The following PCDHA1 variants were observed in gnomAD, a reference collection of about 807,000 sequenced individuals.
The protein encoded by PCDHA1 is protocadherin alpha 1.
A neutral mutation model predicts 61.3 loss-of-function variants in PCDHA1; 42 were observed. That is an observed-to-expected ratio of 0.69 (90% CI 0.54 to 0.89). PCDHA1 has a LOEUF of 0.89. PCDHA1 is among the 40% of genes least tolerant of loss of function. PCDHA1 has a pLI of 0.00. For synonymous variants in PCDHA1, 610 were observed against 553.8 expected (o/e 1.10, Z -1.43); for missense variants, 1,256 against 1,235.3 (o/e 1.02, Z -0.25).
At chr5:140,877,414 C>T (rs1554169712) in intron 1 of PCDHA1, 22 of 1,613,930 alleles carry the variant, frequency 1.4e-5, no homozygotes, top group Non-Finnish European at 1.8e-5. Context: ...CCACCGCCTG[C>T]TGGTGCTGGT....
intron 1 of PCDHA1, chr5:140,884,560 G>A: frequency 6.2e-7 from 1 of 1,614,132 alleles, no homozygotes; most frequent in African/African-American, 1.3e-5. Context: ...GGGAGGGCCC[G>A]CATAAGACGG....
At chr5:140,830,026 C>G in intron 1 of PCDHA1, 1 of 1,613,904 alleles carries the variant, frequency 6.2e-7, no homozygotes, top group Non-Finnish European at 8.5e-7. Context: ...CTCCGCGCCA[C>G]CGGCTGCTGG....
At position 140,855,260 on chromosome 5, in the gene PCDHA1, A is replaced by G. The variant is rs146587233; in HGVS notation, c.2394+66576A>G. ...TACTATTGCAAGCACTTACTATATT[A>G]TAATTCACTCAACCACCGTATTACT... is the stretch of plus-strand genomic sequence containing the variant. On this transcript the variant is annotated intron_variant, in intron 1 of 3. Coordinates refer to ENST00000504120, the MANE Select transcript of PCDHA1 (RefSeq NM_018900.4). Among the ~76,000 whole-genome samples, 51 of 149,956 alleles carry G rather than the reference A, an allele frequency of 3.4e-4. No homozygotes were observed. In the East Asian group the frequency reaches 7.5e-3, roughly 22 times the overall value.
chr5:140,990,852 A>T (rs1265916406), intron 3 of PCDHA1, among the ~76,000 whole-genome samples: 2 of 152,198 alleles, frequency 1.3e-5, no homozygotes, highest in Non-Finnish European at 1.5e-5. Context: ...TAGAGCCCTG[A>T]GGACATTGTA....
intron 1 of PCDHA1, chr5:140,849,885 G>C (rs2150456327): frequency 1.3e-6 from 2 of 1,598,614 alleles, no homozygotes; most frequent in Non-Finnish European, 1.7e-6. Flanking sequence ...CACGGTGTTC[G>C]TGAAGGAGAA....
Position 140,838,280 on chromosome 5 carries a change from AT to A in PCDHA1, c.2394+49611del, listed in dbSNP as rs2150286950. On this transcript the variant is annotated intron_variant, in intron 1 of 3. Transcript: ENST00000504120. ...AGACGCCAACAACCAAGCCATGCTAATTTTTTTTTTTTTTTGTATTTTTAGT... is the reference window on the plus strand; with the variant it reads ...AGACGCCAACAACCAAGCCATGCTAATTTTTTTTTTTTTTGTATTTTTAGT... 8.7e-4 allele frequency among the ~76,000 whole-genome samples: 122 copies of A among 139,548 alleles called. 1 individual carries two copies. The highest frequency in any genetic ancestry group is 4.8e-3 in the South Asian group (21 of 4,398). The allele number at this position is 139,548 out of a possible 152,430, so 91.5% of individuals were successfully genotyped here. A position where few individuals can be genotyped will look rare whatever the true frequency, so the allele number is the denominator to read the frequency against.
chr5:140,829,229 G>A (rs1554131821), intron 1 of PCDHA1: 1 of 1,614,122 alleles, frequency 6.2e-7, no homozygotes, highest in East Asian at 2.2e-5. Flanking sequence ...CCTCGATTCA[G>A]GTGCCAACGG....
intron 1 of PCDHA1, among the ~76,000 whole-genome samples, chr5:140,941,445 A>C (rs1472770794): frequency 8.0e-5 from 12 of 149,892 alleles, no homozygotes; most frequent in Middle Eastern, 6.8e-3. Context: ...CCTCGGGAGT[A>C]GCTGGGATTA....
chr5:140,865,377 T>C (rs2048847316), intron 1 of PCDHA1: 1 of 152,154 alleles, frequency 6.6e-6, no homozygotes, highest in South Asian at 2.1e-4. Flanking sequence ...ATGTTATAGG[T>C]AGGGTAAAGT....
chr5:140,867,997 T>C (rs2050231431), intron 1 of PCDHA1: 1 of 152,144 alleles, frequency 6.6e-6, no homozygotes. Flanking sequence ...TTCATGAATA[T>C]AACTGAATTA....
intron 1 of PCDHA1, chr5:140,875,414 C>A: frequency 3.3e-6 from 5 of 1,508,510 alleles, no homozygotes; most frequent in Non-Finnish European, 4.4e-6. Flanking sequence ...CATAAAATAC[C>A]TCAGGCAAGC....
intron 1 of PCDHA1, among the ~76,000 whole-genome samples, chr5:140,971,015 G>C (rs1425390222): frequency 6.6e-6 from 1 of 152,228 alleles, no homozygotes; most frequent in Non-Finnish European, 1.5e-5. Flanking sequence ...GAAGTCTTTA[G>C]ATCGTAGCAT....
intron 1 of PCDHA1, among the ~76,000 whole-genome samples, chr5:140,800,617 A>G (rs572741159): frequency 1.5e-4 from 23 of 152,314 alleles, no homozygotes; most frequent in Admixed American, 6.5e-4. Context: ...TTGAAATCCC[A>G]TCGTACCAAG....
At chr5:140,882,175 G>A in intron 1 of PCDHA1, 1 of 1,515,150 alleles carries the variant, frequency 6.6e-7, no homozygotes. Flanking sequence ...GAATCCTTCC[G>A]CACTAGGAAG....
chr5:140,862,756 G>C (rs1027587772), intron 1 of PCDHA1: 46 of 577,592 alleles, frequency 8.0e-5, no homozygotes, highest in Non-Finnish European at 1.4e-4. Context: ...CGCGGAGAGC[G>C]GCAAGAGGTA....
chr5:140,814,564 T>C (rs1182489958), intron 1 of PCDHA1: 1 of 152,198 alleles, frequency 6.6e-6, no homozygotes, highest in Non-Finnish European at 1.5e-5. Flanking sequence ...GTATCAAGTA[T>C]TATGTACTGT....
chr5:140,996,587 C>T (rs1260417239), intron 3 of PCDHA1, among the ~76,000 whole-genome samples: 4 of 151,994 alleles, frequency 2.6e-5, no homozygotes, highest in South Asian at 2.1e-4. Context: ...TAACAAGGGC[C>T]GCCTCCCCCC....
At chr5:140,863,248 G>T (rs782700291) in intron 1 of PCDHA1, 54 of 1,395,948 alleles carry the variant, frequency 3.9e-5, no homozygotes, top group Middle Eastern at 1.9e-4. Flanking sequence ...TTTGGCGGGC[G>T]TCGAGGTCCG....
intron 1 of PCDHA1, among the ~76,000 whole-genome samples, chr5:140,941,214 C>CTTTCTTT (rs1554214039): frequency 0.058 from 7,135 of 122,220 alleles, 362 homozygotes; most frequent in South Asian, 0.079. Context: ...TTTCTTTCTT[C>CTTTCTTT]CTTTCTTTCT....
Sources: allele counts gnomAD v4.1 joint callset (sites outside exome capture counted in the v4.1 genomes callset), GRCh38; gene constraint gnomAD v4.1.1; transcripts MANE v1.5; gene names NCBI Gene and HGNC (gene_info 2026-07-23, HGNC 2026-07-21).